GLYATL2: variants seen among roughly 807,000 people sequenced by gnomAD.
The protein encoded by GLYATL2 is glycine-N-acyltransferase like 2, also known as glycine N-acyltransferase-like protein 2.
Under a neutral mutation model 21.4 loss-of-function variants are expected in GLYATL2, and 25 were observed. That is an observed-to-expected ratio of 1.17 (90% CI 0.85 to 1.63). The LOEUF is 1.63. Among genes scored for constraint, GLYATL2 ranks in the 40% most tolerant of loss-of-function variants. GLYATL2 has a pLI of 0.00. For synonymous variants in GLYATL2, 114 were observed against 118.2 expected (o/e 0.96, Z 0.23); for missense variants, 361 against 343.3 (o/e 1.05, Z -0.41).
At chr11:58,835,695 G>A (rs1447666127) in intron 5 of GLYATL2, among the ~76,000 whole-genome samples, 2 of 152,136 alleles carry the variant, frequency 1.3e-5, no homozygotes, top group Non-Finnish European at 1.5e-5. Context: ...TCCTGGACTT[G>A]CTTCCTGAAA....
At chr11:58,840,001 A>T (rs1437303477) in intron 1 of GLYATL2, among the ~76,000 whole-genome samples, 1 of 152,128 alleles carries the variant, frequency 6.6e-6, no homozygotes, top group Non-Finnish European at 1.5e-5. Context: ...CTCTTCAGGG[A>T]TTGTCCCTCT....
chr11:58,874,295 C>T (rs1217292607), intron 1 of GLYATL2, among the ~76,000 whole-genome samples: 1 of 152,090 alleles, frequency 6.6e-6, no homozygotes, highest in Non-Finnish European at 1.5e-5. Flanking sequence ...TCCTTCAGTT[C>T]TGCTCTGATC....
chr11:58,897,630 C>A (rs1410930447), intron 1 of GLYATL2, among the ~76,000 whole-genome samples: 1 of 152,160 alleles, frequency 6.6e-6, no homozygotes, highest in African/African-American at 2.4e-5. Context: ...TCTCACCTAA[C>A]TTTATTCTAA....
In GLYATL2 at chr11:58,865,506, A is replaced by G. The variant is rs966863639; in HGVS notation, n.61-27138T>C. Among the ~76,000 whole-genome samples, 30 of 149,236 alleles carry G rather than the reference A, an allele frequency of 2.0e-4. 3 individuals carry two copies. The highest frequency in any genetic ancestry group is 7.0e-4 in the African/African-American group (29 of 41,320). On this transcript the variant is annotated intron_variant and non_coding_transcript_variant, in intron 1 of 4. Transcript: ENST00000533636. Reference sequence around the variant, plus strand: ...TTTGGAGCCACAAAATGCAGTATTTATCACAAAATGGAAACCAGCATTTTC... The same window carrying G: ...TTTGGAGCCACAAAATGCAGTATTTGTCACAAAATGGAAACCAGCATTTTC...
intron 1 of GLYATL2, among the ~76,000 whole-genome samples, chr11:58,855,601 C>G (rs1167197562): frequency 6.6e-6 from 1 of 152,226 alleles, no homozygotes; most frequent in Non-Finnish European, 1.5e-5. Context: ...TGCATAAACT[C>G]TAATGAGAAA....
At chr11:58,902,649 C>T (rs1854759753) in intron 1 of GLYATL2, among the ~76,000 whole-genome samples, 1 of 152,222 alleles carries the variant, frequency 6.6e-6, no homozygotes, top group Non-Finnish European at 1.5e-5. Context: ...CCCACCTCAC[C>T]CGACCATGTG....
intron 1 of GLYATL2, among the ~76,000 whole-genome samples, chr11:58,843,820 AG>A (rs1853595509): frequency 6.6e-6 from 1 of 152,142 alleles, no homozygotes; most frequent in Admixed American, 6.6e-5. Flanking sequence ...TTTGGGATGT[AG>A]GGCTGTTGGC....
chr11:58,863,339 G>T (rs1432256279), intron 1 of GLYATL2, among the ~76,000 whole-genome samples: 1 of 152,164 alleles, frequency 6.6e-6, no homozygotes, highest in Admixed American at 6.5e-5. Context: ...AGTCCATGGG[G>T]ACTGGCCTGG....
chr11:58,876,374 T>C (rs1443518244), intron 1 of GLYATL2, among the ~76,000 whole-genome samples: 1 of 152,234 alleles, frequency 6.6e-6, no homozygotes, highest in Non-Finnish European at 1.5e-5. Context: ...CTCTGATTTT[T>C]AGAGTTTCCA....
intron 1 of GLYATL2, among the ~76,000 whole-genome samples, chr11:58,873,659 T>C (rs1854168661): frequency 6.6e-6 from 1 of 152,200 alleles, no homozygotes; most frequent in South Asian, 2.1e-4. Context: ...GTGGATAAGC[T>C]TTTTGATCTG....
At position 58,868,722 on chromosome 11, in the gene GLYATL2, G is replaced by A. The variant is rs1035787533; in HGVS notation, n.61-30354C>T. On this transcript the variant is annotated intron_variant and non_coding_transcript_variant, in intron 1 of 4. Transcript: ENST00000533636. The stretch of plus-strand genomic sequence containing the variant: ...GCAGCTGCTTACCCAATTTTGGCTG[G>A]AGATGAGTTCCCTCTCTTTGGGGCC... 1.3e-5 allele frequency among the ~76,000 whole-genome samples: 2 copies of A among 149,052 alleles called. 1 individual carries two copies. Among genetic ancestry groups the A allele is most frequent in the Non-Finnish European group, 3.0e-5 (2 of 67,174 alleles).
chr11:58,834,421 G>A lies in GLYATL2; in HGVS notation c.*8C>T. 6.4e-7 allele frequency: 1 copy of A among 1,566,114 alleles called. No individual in the cohort carries two copies. Among genetic ancestry groups the A allele is most frequent in the Non-Finnish European group, 8.6e-7 (1 of 1,158,260 alleles). On this transcript the variant is annotated 3_prime_UTR_variant, in exon 6 of 6. Coordinates refer to ENST00000287275, the MANE Select transcript of GLYATL2 (RefSeq NM_145016.4). ...ATAAGAAAGATTTGAAATGGACAGT[G>A]GAATCAATCAACAATATTTCTTGGG...
At position 58,865,953 on chromosome 11, in the gene GLYATL2, C is replaced by A. The variant is rs551310002; in HGVS notation, n.61-27585G>T. On this transcript the variant is annotated intron_variant and non_coding_transcript_variant, in intron 1 of 4. Coordinates refer to the GLYATL2 transcript ENST00000533636. ...TTCTCTTCTTTAGACTCTAAGAGCA[C>A]TAGAACACATCAGAGAGCTTCAGAG... Among the ~76,000 whole-genome samples, 21 of 149,048 alleles carry A rather than the reference C, an allele frequency of 1.4e-4. 2 individuals are homozygous for A. The highest frequency in any genetic ancestry group is 4.6e-4 in the African/African-American group (19 of 41,374).
At chr11:58,860,010 A>G (rs936416696) in intron 1 of GLYATL2, among the ~76,000 whole-genome samples, 1 of 152,056 alleles carries the variant, frequency 6.6e-6, no homozygotes, top group Non-Finnish European at 1.5e-5. Context: ...TCCTGTTTTC[A>G]TTACTATTGC....
intron 1 of GLYATL2, among the ~76,000 whole-genome samples, chr11:58,840,367 C>T (rs986438404): frequency 1.3e-5 from 2 of 151,994 alleles, no homozygotes; most frequent in African/African-American, 4.8e-5. Flanking sequence ...TTATAATATA[C>T]TGTATATAAG....
intron 1 of GLYATL2, among the ~76,000 whole-genome samples, chr11:58,891,141 C>A (rs1854536577): frequency 6.6e-6 from 1 of 152,124 alleles, no homozygotes; most frequent in South Asian, 2.1e-4. Context: ...TAAAAGCACC[C>A]TCAAATTCTT....
chr11:58,882,793 T>A (rs866585825), intron 1 of GLYATL2, among the ~76,000 whole-genome samples: 1 of 152,252 alleles, frequency 6.6e-6, no homozygotes, highest in African/African-American at 2.4e-5. Flanking sequence ...TTCAGCTTTC[T>A]ACATATGGCT....
chr11:58,882,007 T>C (rs1854344858), intron 1 of GLYATL2, among the ~76,000 whole-genome samples: 1 of 152,216 alleles, frequency 6.6e-6, no homozygotes, highest in Admixed American at 6.5e-5. Context: ...TGATTCCAAG[T>C]CTTTGCTATT....
At chr11:58,876,924 T>C (rs1028968768) in intron 1 of GLYATL2, among the ~76,000 whole-genome samples, 3 of 152,268 alleles carry the variant, frequency 2.0e-5, no homozygotes, top group Admixed American at 1.3e-4. Flanking sequence ...CCTTGAGCTG[T>C]GGTGGGCTCC....
Sources: allele counts gnomAD v4.1 joint callset (sites outside exome capture counted in the v4.1 genomes callset), GRCh38; gene constraint gnomAD v4.1.1; transcripts MANE v1.5; gene names NCBI Gene and HGNC (gene_info 2026-07-23, HGNC 2026-07-21).